The following RAPGEF4 variants were observed in gnomAD, a reference collection of about 807,000 sequenced individuals.
RAPGEF4 encodes Rap guanine nucleotide exchange factor 4, also known as RAP guanine-nucleotide-exchange factor (GEF) 4.
In RAPGEF4, 66 loss-of-function variants were observed where a neutral mutation model predicts 147.9. The observed-to-expected ratio is 0.45, with a 90% CI of 0.37 to 0.55. The LOEUF (loss-of-function observed/expected upper bound fraction) is 0.55, where lower values mean the gene tolerates loss of function less well. Ranked by LOEUF, RAPGEF4 falls within the 20% of genes least tolerant of loss-of-function variation. The probability of loss-of-function intolerance (pLI) is 0.00; values close to 1 mark genes in which losing one functional copy is unlikely to be tolerated. For missense variants in RAPGEF4, 1,071 were observed against 1,257.3 expected (o/e 0.85, Z 2.24); for synonymous variants, 419 against 442.7 (o/e 0.95, Z 0.67).
Position 173,018,753 on chromosome 2 carries a change from G to A in RAPGEF4, c.2106G>A (p.Lys702=), listed in dbSNP as rs563750927. ...AAGTCATCAGTGCAGTTGCCGACAA[G>A]CTGGGCTCCGGGGAGGGCCTGATCA... ...VKEVISAVAD[K]LGSGEGLIIV... is the part of the protein sequence containing the mutation. The change falls in exon 22 of 31, where the codon AAG becomes AAA. Residue 702 remains lysine (K), a synonymous_variant. Transcript: ENST00000397081. 33 of 1,614,144 alleles carry A rather than the reference G, an allele frequency of 2.0e-5. 1 individual carries two copies. In the East Asian group the frequency reaches 2.7e-4, roughly 13 times the overall value.
At chr2:173,035,498 G>A (rs1233431432) in intron 27 of RAPGEF4, among the ~76,000 whole-genome samples, 3 of 147,548 alleles carry the variant, frequency 2.0e-5, no homozygotes, top group Admixed American at 6.8e-5. Context: ...GTGACAGAGT[G>A]AGACTCTGTC....
intron 4 of RAPGEF4, among the ~76,000 whole-genome samples, chr2:172,823,932 T>C (rs1689381909): frequency 6.6e-6 from 1 of 152,214 alleles, no homozygotes; most frequent in Non-Finnish European, 1.5e-5. Context: ...TATTGTAAAA[T>C]AGAGATACCT....
At chr2:172,832,169 G>C (rs1304767093) in intron 4 of RAPGEF4, among the ~76,000 whole-genome samples, 3 of 152,128 alleles carry the variant, frequency 2.0e-5, no homozygotes, top group Non-Finnish European at 4.4e-5. Context: ...TTGTCTTTTG[G>C]TTGCCGGTTC....
chr2:172,827,114 A>G (rs1421758282), intron 4 of RAPGEF4, among the ~76,000 whole-genome samples: 1 of 152,212 alleles, frequency 6.6e-6, no homozygotes, highest in Non-Finnish European at 1.5e-5. Flanking sequence ...AGCAAATTGT[A>G]CCTTATTAAT....
rs528590839 is a variant in RAPGEF4, at chr2:173,041,915, AC to A, written c.2853+5225del. Among the ~76,000 whole-genome samples the A allele has an allele frequency of 7.2e-5, 11 of 152,212 alleles. No individual in the cohort carries two copies. The East Asian group carries it at 1.9e-3, about 27-fold the overall frequency. On this transcript the variant is annotated intron_variant, in intron 29 of 30. Coordinates refer to ENST00000397081, the MANE Select transcript of RAPGEF4 (RefSeq NM_007023.4). ...CCCTCCTCCAAAATAGTCTTCCCTAACCACCCTTGTGGGAAGGGAAGAAGAT... is the reference window on the plus strand; with the variant it reads ...CCCTCCTCCAAAATAGTCTTCCCTAACACCCTTGTGGGAAGGGAAGAAGAT...
chr2:172,853,429 A>G (rs1395107776), intron 4 of RAPGEF4, among the ~76,000 whole-genome samples: 2 of 151,984 alleles, frequency 1.3e-5, no homozygotes, highest in Non-Finnish European at 1.5e-5. Context: ...AGAGTTGTTT[A>G]TTATAGTTAT....
intron 1 of RAPGEF4, among the ~76,000 whole-genome samples, chr2:172,793,016 C>T (rs552093052): frequency 1.3e-5 from 2 of 152,206 alleles, no homozygotes; most frequent in Non-Finnish European, 2.9e-5. Flanking sequence ...GGCTGGAAGT[C>T]CAGAATCAAG....
At position 173,018,736 on chromosome 2, in the gene RAPGEF4, A is replaced by G. The variant is rs368206145; in HGVS notation, c.2089A>G (p.Ser697Gly). 2.5e-6 allele frequency: 4 copies of G among 1,614,048 alleles called. No homozygotes were observed. The highest frequency in any genetic ancestry group is 1.1e-5 in the South Asian group (1 of 91,094). Residue 697 changes from serine (S) to glycine (G), a missense_variant, in exon 22 of 31, where the codon AGT becomes GGT. Ser to Gly is a moderately conservative substitution (Grantham distance 56). Transcript: ENST00000397081. ...PVATSVKEVISAVADKLGSGE... is the reference protein window; with the variant it reads ...PVATSVKEVIGAVADKLGSGE... ...GGCCACTTCGGTGAAGGAAGTCATCAGTGCAGTTGCCGACAAGCTGGGCTC... is the reference window on the plus strand; with the variant it reads ...GGCCACTTCGGTGAAGGAAGTCATCGGTGCAGTTGCCGACAAGCTGGGCTC...
At chr2:172,759,587 G>A (rs1354198041) in intron 1 of RAPGEF4, among the ~76,000 whole-genome samples, 9 of 152,200 alleles carry the variant, frequency 5.9e-5, no homozygotes, top group Admixed American at 2.6e-4. Flanking sequence ...TATCAATAAA[G>A]CCAGAGTTGT....
chr2:172,899,270 G>T (rs1378590746), intron 4 of RAPGEF4, among the ~76,000 whole-genome samples: 2 of 152,206 alleles, frequency 1.3e-5, no homozygotes, highest in Non-Finnish European at 2.9e-5. Flanking sequence ...GGAAAGCCCA[G>T]TGTAGCTATT....
chr2:172,874,421 C>T (rs910637410), intron 4 of RAPGEF4, among the ~76,000 whole-genome samples: 46 of 152,164 alleles, frequency 3.0e-4, no homozygotes, highest in African/African-American at 1.0e-3. Flanking sequence ...ACAACAGGCC[C>T]CGGTGTGTAA....
intron 4 of RAPGEF4, among the ~76,000 whole-genome samples, chr2:172,834,643 G>T (rs1574986322): frequency 6.6e-6 from 1 of 152,164 alleles, no homozygotes; most frequent in East Asian, 1.9e-4. Flanking sequence ...GAACATTTGG[G>T]ATTTCAGGTT....
Position 172,814,348 on chromosome 2 carries a change from C to G in RAPGEF4, c.367C>G (p.Arg123Gly). The G allele has an allele frequency of 6.2e-7, 1 of 1,614,138 alleles. No individual in the cohort carries two copies. The highest frequency in any genetic ancestry group is 8.5e-7 in the Non-Finnish European group (1 of 1,179,992). The stretch of plus-strand genomic sequence containing the variant: ...AGAGTCCATTCTGGACAACACACCC[C>G]GCCATGCAACCATCGTTACCAGGGA... ...FGESILDNTP[R>G]HATIVTRESS... is the part of the protein sequence containing the mutation. Residue 123 changes from arginine (R) to glycine (G), a missense_variant, in exon 4 of 31, where the codon CGC (arginine) becomes GGC (glycine). Arg to Gly is a moderately radical substitution (Grantham distance 125). Coordinates refer to ENST00000397081, the MANE Select transcript of RAPGEF4 (RefSeq NM_007023.4).
intron 4 of RAPGEF4, among the ~76,000 whole-genome samples, chr2:172,854,383 T>G (rs929157977): frequency 4.7e-4 from 71 of 152,154 alleles, no homozygotes; most frequent in African/African-American, 1.6e-3. Flanking sequence ...CATAGGATAT[T>G]AATATAGTTA....
chr2:172,860,778 G>T (rs188083453), intron 4 of RAPGEF4, among the ~76,000 whole-genome samples: 10 of 152,182 alleles, frequency 6.6e-5, no homozygotes, highest in Non-Finnish European at 1.3e-4. Context: ...TTATGACTGG[G>T]ATGTTTGTAT....
chr2:172,885,055 A>G (rs62174617), intron 4 of RAPGEF4, among the ~76,000 whole-genome samples: 28,678 of 152,240 alleles, frequency 0.19, 3,449 homozygotes, highest in Middle Eastern at 0.29. Flanking sequence ...TCTCTACTTC[A>G]TCTGAGGGTT....
intron 1 of RAPGEF4, among the ~76,000 whole-genome samples, chr2:172,778,884 A>G (rs1021246662): frequency 6.6e-6 from 1 of 152,186 alleles, no homozygotes; most frequent in Non-Finnish European, 1.5e-5. Context: ...CACTACCAAT[A>G]TTCATTAAAA....
At chr2:172,921,031 T>C (rs763421309) in intron 5 of RAPGEF4, among the ~76,000 whole-genome samples, 4 of 152,126 alleles carry the variant, frequency 2.6e-5, no homozygotes, top group Admixed American at 2.0e-4. Context: ...GTTTCCAAAG[T>C]CTCTTTCATC....
At position 172,773,202 on chromosome 2, in the gene RAPGEF4, G is replaced by A. The variant is rs185933953; in HGVS notation, c.66-21823G>A. Reference sequence around the variant, plus strand: ...ATATGATTTATTATTAATAATAGAAGGAGTTAGTGTTGTAAACAAATAATC... The same window carrying A: ...ATATGATTTATTATTAATAATAGAAAGAGTTAGTGTTGTAAACAAATAATC... On this transcript the variant is annotated intron_variant, in intron 1 of 30. Transcript: ENST00000397081. Among the ~76,000 whole-genome samples the A allele has an allele frequency of 2.4e-4, 36 of 152,228 alleles. 1 individual carries two copies. In the East Asian group the frequency reaches 6.6e-3, roughly 28 times the overall value.
Sources: gnomAD v4.1 joint callset for allele counts (sites outside exome capture counted in the v4.1 genomes callset) on GRCh38, gnomAD v4.1.1 for gene constraint, MANE v1.5 for transcripts, NCBI Gene and HGNC (gene_info 2026-07-23, HGNC 2026-07-21) for gene names.